The following ANKH variants were observed in gnomAD, a reference collection of about 807,000 sequenced individuals.
The protein encoded by ANKH is ANKH inorganic pyrophosphate transport regulator.
In ANKH, 15 loss-of-function variants were observed where a neutral mutation model predicts 49.0. The ratio of observed to expected loss-of-function variants is 0.31; its 90% CI spans 0.20 to 0.47. ANKH has a LOEUF of 0.47. Ranked by LOEUF, ANKH falls within the 20% of genes least tolerant of loss-of-function variation. The pLI, the probability that ANKH is intolerant of heterozygous loss-of-function variation, is 1.00. For missense variants in ANKH, 429 were observed against 652.0 expected, an observed-to-expected ratio of 0.66 and a Z score of 3.72; for synonymous variants, 273 against 260.0, an observed-to-expected ratio of 1.05 and a Z score of -0.48.
chr5:14,714,572 G>A (rs767926659), intron 9 of ANKH, among the ~76,000 whole-genome samples: 8 of 152,148 alleles, frequency 5.3e-5, no homozygotes, highest in Non-Finnish European at 1.2e-4. Flanking sequence ...AGTCTTTGCC[G>A]TCTTCTTGGT....
chr5:14,749,066 T>C (rs2126479785), intron 6 of ANKH, 106 bp downstream of exon 6: 5 of 1,474,546 alleles, frequency 3.4e-6, no homozygotes, highest in Non-Finnish European at 4.7e-6. Flanking sequence ...TGTAATTTAA[T>C]ATTGGGGAAT....
intron 11 of ANKH, among the ~76,000 whole-genome samples, chr5:14,711,982 A>T (rs1424496991): frequency 6.6e-6 from 1 of 151,744 alleles, no homozygotes; most frequent in Non-Finnish European, 1.5e-5. Context: ...GATCCCACCA[A>T]CCCTTCATTG....
chr5:14,749,156 C>G lies in ANKH; in HGVS notation c.822+16G>C, dbSNP rs2126479983. The G allele has an allele frequency of 1.2e-6, 2 of 1,613,976 alleles. No homozygotes were observed. Among genetic ancestry groups the G allele is most frequent in the African/African-American group, 2.7e-5 (2 of 75,056 alleles). ...CAAGGTGATCATAAGCCCCACATCC[C>G]CAAAGCATGGCCCACCTCTGTGGCT... On this transcript the variant is annotated intron_variant, in intron 6 of 11. Transcript: ENST00000284268.
At chr5:14,835,461 C>T (rs1741624569) in intron 1 of ANKH, among the ~76,000 whole-genome samples, 1 of 152,184 alleles carries the variant, frequency 6.6e-6, no homozygotes, top group African/African-American at 2.4e-5. Context: ...TCTTTCCAGA[C>T]ATCTCAGTGC....
intron 11 of ANKH, among the ~76,000 whole-genome samples, chr5:14,711,896 C>T (rs1041636495): frequency 6.6e-6 from 1 of 152,192 alleles, no homozygotes; most frequent in African/African-American, 2.4e-5. Context: ...GCAGACCTTG[C>T]CATTATCGAC....
intron 1 of ANKH, among the ~76,000 whole-genome samples, chr5:14,854,193 G>A (rs1407092488): frequency 2.0e-5 from 3 of 152,172 alleles, no homozygotes; most frequent in Non-Finnish European, 2.9e-5. Context: ...AAAATGAACT[G>A]TAGTACGGCT....
intron 4 of ANKH, among the ~76,000 whole-genome samples, chr5:14,753,350 T>C (rs1738780234): frequency 6.6e-6 from 1 of 152,218 alleles, no homozygotes; most frequent in Non-Finnish European, 1.5e-5. Context: ...GTGTAACCTT[T>C]TGCAGAAGCA....
chr5:14,724,660 T>C, intron 8 of ANKH: 2 of 803,020 alleles, frequency 2.5e-6, no homozygotes, highest in Non-Finnish European at 3.0e-6. Context: ...GGGCCATGCA[T>C]GGTCCCCGAG....
intron 1 of ANKH, among the ~76,000 whole-genome samples, chr5:14,863,994 T>G (rs899494808): frequency 6.6e-6 from 1 of 152,260 alleles, no homozygotes; most frequent in Admixed American, 6.5e-5. Context: ...ATGGGAGGAT[T>G]GCTTAAGCCC....
At chr5:14,759,710 T>C (rs970460075) in intron 2 of ANKH, among the ~76,000 whole-genome samples, 1 of 150,018 alleles carries the variant, frequency 6.7e-6, no homozygotes, top group African/African-American at 2.5e-5. Flanking sequence ...TGAGCTATGA[T>C]CGTGCCACTG....
intron 8 of ANKH, among the ~76,000 whole-genome samples, chr5:14,740,220 T>C (rs1205212725): frequency 6.6e-6 from 1 of 152,188 alleles, no homozygotes; most frequent in Non-Finnish European, 1.5e-5. Context: ...TCACAGGGCC[T>C]CACAGCAGAG....
intron 11 of ANKH, among the ~76,000 whole-genome samples, chr5:14,711,819 A>C (rs1737219705): frequency 6.6e-6 from 1 of 152,110 alleles, no homozygotes; most frequent in Non-Finnish European, 1.5e-5. Flanking sequence ...GCCTGTTCTT[A>C]CAATAAATGG....
intron 8 of ANKH, among the ~76,000 whole-genome samples, chr5:14,718,974 A>T (rs910893129): frequency 6.6e-6 from 1 of 152,154 alleles, no homozygotes; most frequent in African/African-American, 2.4e-5. Flanking sequence ...AGGAGAAGAG[A>T]GTTAAAGAAA....
chr5:14,721,929 CAAAAAAAAAAAA>C (rs35821509), intron 8 of ANKH, among the ~76,000 whole-genome samples: 55 of 59,472 alleles, frequency 9.2e-4, no homozygotes, highest in African/African-American at 5.0e-3. Flanking sequence ...GACTCCGTCT[CAAAAAAAAAAAA>C]AAAAAAAAAA....
chr5:14,719,544 A>G (rs1330796505), intron 8 of ANKH, among the ~76,000 whole-genome samples: 1 of 152,178 alleles, frequency 6.6e-6, no homozygotes, highest in Non-Finnish European at 1.5e-5. Flanking sequence ...ATGTGCTTGA[A>G]TACTTGAAAA....
Position 14,710,823 on chromosome 5 carries a change from G to A in ANKH, c.*374C>T, listed in dbSNP as rs1737146781. On this transcript the variant is annotated 3_prime_UTR_variant, in exon 12 of 12. Transcript: ENST00000284268. ...AGGGGGACAGGAGAGTCTGTGGCCT[G>A]CTGTGCAGGGTGACCGAGGCGCGAT... The A allele has an allele frequency of 9.3e-6, 3 of 321,094 alleles. No homozygotes were observed. Among genetic ancestry groups the A allele is most frequent in the South Asian group, 5.5e-5 (2 of 36,368 alleles). 19.9% of individuals were successfully genotyped at this position (321,094 alleles called of 1,614,324 possible). A position where few individuals can be genotyped will look rare whatever the true frequency, so the allele number is the denominator to read the frequency against.
At chr5:14,819,141 G>A (rs1172345450) in intron 1 of ANKH, among the ~76,000 whole-genome samples, 2 of 152,186 alleles carry the variant, frequency 1.3e-5, no homozygotes, top group African/African-American at 4.8e-5. Flanking sequence ...TGTCCAGAAA[G>A]AGCTGATGTC....
intron 1 of ANKH, among the ~76,000 whole-genome samples, chr5:14,857,114 T>C (rs972155698): frequency 7.9e-5 from 12 of 151,702 alleles, no homozygotes; most frequent in African/African-American, 2.9e-4. Flanking sequence ...TCTAAACACA[T>C]TTGCAGTACA....
At chr5:14,771,746 C>T (rs532273825) in intron 1 of ANKH, among the ~76,000 whole-genome samples, 2 of 151,728 alleles carry the variant, frequency 1.3e-5, no homozygotes, top group Non-Finnish European at 2.9e-5. Context: ...CATGGTGAAA[C>T]CCCGTCTCTA....
Sources: allele counts gnomAD v4.1 joint callset (sites outside exome capture counted in the v4.1 genomes callset), GRCh38; gene constraint gnomAD v4.1.1; transcripts MANE v1.5; gene names NCBI Gene and HGNC (gene_info 2026-07-23, HGNC 2026-07-21).